The following SLC25A48 variants were observed in gnomAD, a reference collection of about 807,000 sequenced individuals.
SLC25A48 encodes the protein solute carrier family 25 member 48.
Under a neutral mutation model 32.2 loss-of-function variants are expected in SLC25A48, and 29 were observed. That is an observed-to-expected ratio of 0.90 (90% CI 0.67 to 1.23). SLC25A48 has a LOEUF of 1.23. Among genes scored for constraint, SLC25A48 ranks in the 50% most tolerant of loss-of-function variants. The probability of loss-of-function intolerance (pLI) is 0.00; values close to 1 mark genes in which losing one functional copy is unlikely to be tolerated. For missense variants in SLC25A48, 399 were observed against 422.7 expected, an observed-to-expected ratio of 0.94 and a Z score of 0.49; for synonymous variants, 164 against 172.3, an observed-to-expected ratio of 0.95 and a Z score of 0.38.
At position 135,791,421 on chromosome 5, in the gene SLC25A48, T is replaced by G. The variant is rs1757028650; in HGVS notation, c.-520-21102T>G. On this transcript the variant is annotated intron_variant, in intron 3 of 10. Transcript: ENST00000646290. Reference sequence around the variant, plus strand: ...CCTGTGATATTTATCATAATTTCTTTGGGGGATGTTACTTTTGATTTCGCA... The same window carrying G: ...CCTGTGATATTTATCATAATTTCTTGGGGGGATGTTACTTTTGATTTCGCA... 1.3e-5 allele frequency among the ~76,000 whole-genome samples: 2 copies of G among 151,570 alleles called. 1 individual carries two copies. Among genetic ancestry groups the G allele is most frequent in the South Asian group, 4.2e-4 (2 of 4,816 alleles).
At chr5:135,581,441 C>T (rs1751232220) in intron 1 of SLC25A48, among the ~76,000 whole-genome samples, 2 of 152,148 alleles carry the variant, frequency 1.3e-5, no homozygotes, top group Non-Finnish European at 2.9e-5. Context: ...CAATTGCTTT[C>T]CAAAAAAATA....
chr5:135,799,990 T>G (rs1757281925), intron 3 of SLC25A48, among the ~76,000 whole-genome samples: 1 of 151,704 alleles, frequency 6.6e-6, no homozygotes, highest in Admixed American at 6.6e-5. Context: ...GCAGAAGGTG[T>G]GCACCCCAAG....
At chr5:135,763,788 CACGAGA>C (rs1242035331) in intron 3 of SLC25A48, among the ~76,000 whole-genome samples, 2 of 151,872 alleles carry the variant, frequency 1.3e-5, no homozygotes, top group East Asian at 3.9e-4. Flanking sequence ...CACACACACA[CACGAGA>C]GAGAGACAGA....
At chr5:135,833,422 G>A (rs2126672767), upstream of SLC25A48, among the ~76,000 whole-genome samples, 1 of 152,330 alleles carries the variant, frequency 6.6e-6, no homozygotes, top group South Asian at 2.1e-4. Flanking sequence ...ACTTGTGGAT[G>A]CATTCCAATG....
intron 3 of SLC25A48, among the ~76,000 whole-genome samples, chr5:135,723,362 A>ACT (rs1159449010): frequency 1.6e-3 from 141 of 87,026 alleles, no homozygotes; most frequent in South Asian, 4.5e-3. Flanking sequence ...TCTGTCTCTC[A>ACT]CTCTCTCTCT....
chr5:135,809,563 G>A (rs921534014), intron 3 of SLC25A48, among the ~76,000 whole-genome samples: 3 of 152,132 alleles, frequency 2.0e-5, no homozygotes, highest in African/African-American at 7.2e-5. Flanking sequence ...TGGCAAATGT[G>A]TAACCAACAC....
In SLC25A48 at chr5:135,727,948, G is replaced by A. The variant is rs558681542; in HGVS notation, c.-520-84575G>A. On this transcript the variant is annotated intron_variant, in intron 3 of 10. Coordinates refer to the SLC25A48 transcript ENST00000646290. ...GCTGGGATTTTGATAGAAATTTTGTGTTCTGTCTTTTAAGGGAACGTGGCT... is the reference window on the plus strand; with the variant it reads ...GCTGGGATTTTGATAGAAATTTTGTATTCTGTCTTTTAAGGGAACGTGGCT... Among the ~76,000 whole-genome samples the A allele has an allele frequency of 3.9e-5, 6 of 152,212 alleles. No homozygotes were observed. In the South Asian group the frequency reaches 8.3e-4, roughly 21 times the overall value.
At chr5:135,862,282 T>C (rs888484109) in intron 4 of SLC25A48, among the ~76,000 whole-genome samples, 1 of 152,254 alleles carries the variant, frequency 6.6e-6, no homozygotes, top group Non-Finnish European at 1.5e-5. Flanking sequence ...AGATCTGTTT[T>C]TCCATTGAAA....
intron 3 of SLC25A48, chr5:135,742,344 G>C: frequency 2.4e-6 from 2 of 836,972 alleles, no homozygotes; most frequent in Non-Finnish European, 3.3e-6. Context: ...GCCTCCCACA[G>C]TGCTGGGATT....
intron 1 of SLC25A48, among the ~76,000 whole-genome samples, chr5:135,589,433 G>A (rs1238468854): frequency 6.6e-6 from 1 of 152,180 alleles, no homozygotes; most frequent in East Asian, 1.9e-4. Context: ...CCAGGCACTG[G>A]GCTCAGTCCT....
At chr5:135,691,397 T>C (rs1041269263) in intron 3 of SLC25A48, among the ~76,000 whole-genome samples, 1 of 152,200 alleles carries the variant, frequency 6.6e-6, no homozygotes, top group African/African-American at 2.4e-5. Flanking sequence ...TGCTCTGCCC[T>C]GCTTCAGCAG....
At chr5:135,881,436 G>A (rs6881564) in intron 7 of SLC25A48, among the ~76,000 whole-genome samples, 11,462 of 152,324 alleles carry the variant, frequency 0.075, 496 homozygotes, top group South Asian at 0.11. Flanking sequence ...ACAAGCCCCA[G>A]AAGCTGGCTT....
At chr5:135,599,744 A>G (rs953587471) in intron 1 of SLC25A48, among the ~76,000 whole-genome samples, 1 of 151,486 alleles carries the variant, frequency 6.6e-6, no homozygotes, top group Non-Finnish European at 1.5e-5. Flanking sequence ...TCTCTTGTTC[A>G]TTTTATCCAG....
intron 1 of SLC25A48, among the ~76,000 whole-genome samples, chr5:135,583,409 C>A (rs764614699): frequency 5.3e-5 from 8 of 151,860 alleles, no homozygotes; most frequent in Non-Finnish European, 7.4e-5. Flanking sequence ...GGTTTTCTGC[C>A]CTGGGAGCTG....
intron 3 of SLC25A48, among the ~76,000 whole-genome samples, chr5:135,673,154 A>G (rs1416119128): frequency 1.3e-5 from 2 of 152,116 alleles, no homozygotes; most frequent in African/African-American, 4.8e-5. Flanking sequence ...GTTATTTCCA[A>G]TTTGGGGCTA....
chr5:135,687,789 G>T (rs1260883505), intron 3 of SLC25A48, among the ~76,000 whole-genome samples: 1 of 152,040 alleles, frequency 6.6e-6, no homozygotes, highest in Non-Finnish European at 1.5e-5. Flanking sequence ...CATGTTTATT[G>T]CATGGCTTTA....
intron 3 of SLC25A48, among the ~76,000 whole-genome samples, chr5:135,694,773 G>A (rs1754229124): frequency 1.3e-5 from 2 of 152,046 alleles, no homozygotes; most frequent in Admixed American, 6.6e-5. Flanking sequence ...TTTTAGTAGA[G>A]ATGAGGTTTC....
chr5:135,613,844 C>A lies in SLC25A48; in HGVS notation c.-848-15393C>A, dbSNP rs369768955. ...CCCCATGCTATTTTGGTTACTGTAGCCTTGTAATATATTTTGAAGTTAGGT... is the reference window on the plus strand; with the variant it reads ...CCCCATGCTATTTTGGTTACTGTAGACTTGTAATATATTTTGAAGTTAGGT... On this transcript the variant is annotated intron_variant, in intron 1 of 10. Transcript: ENST00000646290. Among the ~76,000 whole-genome samples the A allele has an allele frequency of 1.8e-4, 27 of 152,268 alleles. 1 individual carries two copies. The highest frequency in any genetic ancestry group is 6.3e-4 in the African/African-American group (26 of 41,562).
intron 5 of SLC25A48, chr5:135,872,856 C>T (rs527830156): frequency 3.9e-4 from 60 of 152,438 alleles, no homozygotes; most frequent in African/African-American, 1.1e-3. Flanking sequence ...AGACATATAA[C>T]GAAGCTCATG....
Sources: allele counts gnomAD v4.1 joint callset (sites outside exome capture counted in the v4.1 genomes callset), GRCh38; gene constraint gnomAD v4.1.1; transcripts MANE v1.5; gene names NCBI Gene and HGNC (gene_info 2026-07-23, HGNC 2026-07-21).